TYR: variants seen among roughly 807,000 people sequenced by gnomAD.
TYR encodes the protein tyrosinase, also known as LB24-AB.
A neutral mutation model predicts 51.5 loss-of-function variants in TYR; 58 were observed. That is an observed-to-expected ratio of 1.13 (90% CI 0.91 to 1.40). TYR has a LOEUF of 1.40. TYR is among the 40% of genes most tolerant of loss of function. The probability of loss-of-function intolerance (pLI) is 0.00; values close to 1 mark genes in which losing one functional copy is unlikely to be tolerated. For synonymous variants in TYR, 263 were observed against 235.2 expected, an observed-to-expected ratio of 1.12 and a Z score of -1.08; for missense variants, 732 against 647.4, an observed-to-expected ratio of 1.13 and a Z score of -1.42.
At chr11:89,186,629 A>C (rs1006448813) in intron 1 of TYR, among the ~76,000 whole-genome samples, 3 of 152,116 alleles carry the variant, frequency 2.0e-5, no homozygotes, top group Non-Finnish European at 4.4e-5. Context: ...GTTCAGAGTA[A>C]AACAGAGGCC....
At chr11:89,224,929 AT>A (rs10671315) in intron 2 of TYR, among the ~76,000 whole-genome samples, 27,373 of 149,780 alleles carry the variant, frequency 0.18, 3,125 homozygotes, top group African/African-American at 0.33. Context: ...TGTAAAAACT[AT>A]TTTTTTTTTT....
chr11:89,217,847 C>T (rs911828323), intron 2 of TYR, among the ~76,000 whole-genome samples: 5 of 152,132 alleles, frequency 3.3e-5, no homozygotes, highest in African/African-American at 1.2e-4. Flanking sequence ...ATCCCATTTT[C>T]TACTACATGG....
chr11:89,248,331 T>A (rs1241015892), intron 3 of TYR, among the ~76,000 whole-genome samples: 1 of 152,038 alleles, frequency 6.6e-6, no homozygotes, highest in East Asian at 1.9e-4. Context: ...TGATATAATA[T>A]CTATATATTT....
chr11:89,197,742 T>C (rs150503900), intron 2 of TYR, among the ~76,000 whole-genome samples: 63 of 152,182 alleles, frequency 4.1e-4, no homozygotes, highest in African/African-American at 1.5e-3. Context: ...GGTGACTGAC[T>C]GTAAGGCAGC....
intron 2 of TYR, among the ~76,000 whole-genome samples, chr11:89,227,217 C>G (rs1943987536): frequency 6.6e-6 from 1 of 151,996 alleles, no homozygotes; most frequent in African/African-American, 2.4e-5. Context: ...AAATTTTTCC[C>G]ATTATTACTG....
chr11:89,272,102 C>T (rs188472862), intron 3 of TYR, among the ~76,000 whole-genome samples: 1 of 151,956 alleles, frequency 6.6e-6, no homozygotes, highest in Non-Finnish European at 1.5e-5. Flanking sequence ...ATATTTTGGC[C>T]ACCTCCCATG....
At chr11:89,257,595 A>C (rs1307233610) in intron 3 of TYR, among the ~76,000 whole-genome samples, 1 of 152,082 alleles carries the variant, frequency 6.6e-6, no homozygotes, top group Non-Finnish European at 1.5e-5. Context: ...TTAATATATA[A>C]AAATACTGTA....
chr11:89,215,097 G>T (rs568367084), intron 2 of TYR, among the ~76,000 whole-genome samples: 88 of 152,142 alleles, frequency 5.8e-4, no homozygotes, highest in African/African-American at 2.0e-3. Context: ...ATTCTAGTGA[G>T]GAGAAGCATA....
intron 3 of TYR, among the ~76,000 whole-genome samples, chr11:89,250,527 C>G (rs1460530505): frequency 1.3e-5 from 2 of 151,710 alleles, no homozygotes; most frequent in African/African-American, 4.8e-5. Flanking sequence ...AACAAAATAC[C>G]ACAGACTAGG....
At chr11:89,182,018 C>G (rs1943306829) in intron 1 of TYR, among the ~76,000 whole-genome samples, 1 of 152,182 alleles carries the variant, frequency 6.6e-6, no homozygotes, top group Non-Finnish European at 1.5e-5. Flanking sequence ...GAGACTTTTA[C>G]TGATCCACCT....
intron 2 of TYR, among the ~76,000 whole-genome samples, chr11:89,221,837 G>T (rs7108676): frequency 0.19 from 28,521 of 152,064 alleles, 3,582 homozygotes; most frequent in African/African-American, 0.36. Flanking sequence ...TAAATGAAAT[G>T]CAATAAATTA....
intron 3 of TYR, among the ~76,000 whole-genome samples, chr11:89,260,897 G>A (rs939655504): frequency 2.0e-5 from 3 of 152,072 alleles, no homozygotes; most frequent in Non-Finnish European, 2.9e-5. Flanking sequence ...GGTGAGTGGT[G>A]AAGTGAGTAT....
chr11:89,178,080 A>C lies in TYR; in HGVS notation c.127A>C (p.Arg43=). 6.2e-7 allele frequency: 1 copy of C among 1,614,220 alleles called. No homozygotes were observed. Among genetic ancestry groups the C allele is most frequent in the Non-Finnish European group, 8.5e-7 (1 of 1,180,038 alleles). The change falls in exon 1 of 5, where the codon AGG becomes CGG. Residue 43 remains arginine (R), a synonymous_variant. Transcript: ENST00000263321. Reference sequence around the variant, plus strand: ...ATGCTGTCCACCGTGGAGCGGGGACAGGAGTCCCTGTGGCCAGCTTTCAGG... The same window carrying C: ...ATGCTGTCCACCGTGGAGCGGGGACCGGAGTCCCTGTGGCCAGCTTTCAGG... ...KECCPPWSGD[R]SPCGQLSGRG...
chr11:89,220,247 G>T (rs542191344), intron 2 of TYR, among the ~76,000 whole-genome samples: 73 of 152,298 alleles, frequency 4.8e-4, no homozygotes, highest in Middle Eastern at 3.4e-3. Context: ...TACAATTATG[G>T]TAGAAGGCAG....
intron 3 of TYR, among the ~76,000 whole-genome samples, chr11:89,239,357 G>A (rs545470019): frequency 5.9e-5 from 9 of 152,018 alleles, no homozygotes; most frequent in Admixed American, 2.6e-4. Flanking sequence ...TACCCAATTC[G>A]TTGTTCTTAG....
intron 1 of TYR, among the ~76,000 whole-genome samples, chr11:89,179,971 C>G (rs1383766266): frequency 1.3e-5 from 2 of 152,172 alleles, no homozygotes; most frequent in East Asian, 3.9e-4. Flanking sequence ...GAATCTTGCA[C>G]TCAATTTCCC....
At chr11:89,215,170 ATATATTT>A (rs1254848854) in intron 2 of TYR, among the ~76,000 whole-genome samples, 6 of 152,214 alleles carry the variant, frequency 3.9e-5, no homozygotes, top group Non-Finnish European at 7.3e-5. Flanking sequence ...TATAATATCT[ATATATTT>A]TATAAAGAAT....
chr11:89,294,213 C>T (rs1206591009), intron 4 of TYR: 1 of 153,002 alleles, frequency 6.5e-6, no homozygotes, highest in Non-Finnish European at 1.5e-5. Flanking sequence ...GGCTCTGCCT[C>T]TTCGACTTTT....
At chr11:89,278,386 G>T (rs1463697277) in intron 3 of TYR, among the ~76,000 whole-genome samples, 1 of 151,600 alleles carries the variant, frequency 6.6e-6, no homozygotes, top group Non-Finnish European at 1.5e-5. Flanking sequence ...CTTCACCAAT[G>T]CTGGGCCCAG....
Sources: allele counts gnomAD v4.1 joint callset (sites outside exome capture counted in the v4.1 genomes callset), GRCh38; gene constraint gnomAD v4.1.1; transcripts MANE v1.5; gene names NCBI Gene and HGNC (gene_info 2026-07-23, HGNC 2026-07-21).